The following SPICE1 variants were observed in gnomAD, a reference collection of about 807,000 sequenced individuals.
SPICE1 encodes the protein spindle and centriole associated protein 1.
Under a neutral mutation model 102.7 loss-of-function variants are expected in SPICE1, and 75 were observed. The observed-to-expected ratio is 0.73, with a 90% CI of 0.61 to 0.88. The LOEUF is 0.88. Among genes scored for constraint, SPICE1 ranks in the 40% least tolerant of loss-of-function variants. SPICE1 has a pLI of 0.00. For synonymous variants in SPICE1, 308 were observed against 350.3 expected, an observed-to-expected ratio of 0.88 and a Z score of 1.35; for missense variants, 979 against 1,020.1, an observed-to-expected ratio of 0.96 and a Z score of 0.55.
At chr3:113,463,030 G>A (rs918001978) in intron 11 of SPICE1, among the ~76,000 whole-genome samples, 4 of 151,890 alleles carry the variant, frequency 2.6e-5, no homozygotes, top group African/African-American at 9.7e-5. Flanking sequence ...CACTCCCACC[G>A]CAAGACCTTC....
chr3:113,492,388 A>G (rs900184995), intron 6 of SPICE1, among the ~76,000 whole-genome samples: 3 of 152,164 alleles, frequency 2.0e-5, no homozygotes, highest in African/African-American at 4.8e-5. Flanking sequence ...CTAGTCATGC[A>G]TAAGTTGTCT....
chr3:113,466,595 C>A (rs543383801), intron 10 of SPICE1, among the ~76,000 whole-genome samples: 38 of 144,896 alleles, frequency 2.6e-4, no homozygotes, highest in African/African-American at 9.5e-4. Flanking sequence ...AGCAACAGAG[C>A]GAGACTCTGT....
chr3:113,448,000 A>T (rs115259719), intron 16 of SPICE1, 38 bp downstream of exon 16: 69,833 of 1,313,130 alleles, frequency 0.053, 2,009 homozygotes, highest in East Asian at 0.12. Context: ...ATTCTTTTTG[A>T]TTTTTTTTTT....
intron 7 of SPICE1, among the ~76,000 whole-genome samples, chr3:113,469,990 A>G (rs964925035): frequency 3.3e-5 from 5 of 152,228 alleles, no homozygotes; most frequent in African/African-American, 1.2e-4. Flanking sequence ...GAGGGGCTAG[A>G]TAGAGTGAGA....
chr3:113,478,846 G>T (rs1208534356), intron 7 of SPICE1, among the ~76,000 whole-genome samples: 1 of 151,762 alleles, frequency 6.6e-6, no homozygotes, highest in African/African-American at 2.4e-5. Context: ...TCATATATTA[G>T]GTCACAAAGA....
chr3:113,499,550 ATTC>A lies in SPICE1; in HGVS notation c.177_179del (p.Lys59del), dbSNP rs746499969. 2.0e-5 allele frequency: 32 copies of A among 1,611,828 alleles called. No homozygotes were observed. Among genetic ancestry groups the A allele is most frequent in the Non-Finnish European group, 2.6e-5 (31 of 1,179,350 alleles). On this transcript the variant is annotated inframe_deletion, in exon 4 of 18. Transcript: ENST00000295872. ...GGAGTTCCCAGTGTACTAATGCTCT[ATTC>A]TTCGATTTGTGTATTTCATGACGGC...
chr3:113,475,976 G>C (rs1299638614), intron 7 of SPICE1, among the ~76,000 whole-genome samples: 2 of 152,250 alleles, frequency 1.3e-5, no homozygotes, highest in African/African-American at 4.8e-5. Flanking sequence ...ATTCAATTAG[G>C]AAAAGAGGAA....
In SPICE1 at chr3:113,453,868, T is replaced by C; in HGVS notation, c.1740A>G (p.Glu580=). The C allele has an allele frequency of 1.2e-6, 2 of 1,614,226 alleles. No individual in the cohort carries two copies. Among genetic ancestry groups the C allele is most frequent in the Non-Finnish European group, 1.7e-6 (2 of 1,180,038 alleles). The change falls in exon 14 of 18, where the codon GAA becomes GAG. Residue 580 remains glutamate, a synonymous_variant. Coordinates refer to ENST00000295872, the MANE Select transcript of SPICE1 (RefSeq NM_144718.4). ...VEIIEKEQNW[E]EKTLPIDTDI... ...CTGTATCAATAGGTAAGGTCTTCTC[T>C]TCCCAATTTTGTTCCTTCTCAATTA...
At chr3:113,507,556 C>G (rs1251803417) in intron 1 of SPICE1, among the ~76,000 whole-genome samples, 1 of 151,938 alleles carries the variant, frequency 6.6e-6, no homozygotes, top group East Asian at 1.9e-4. Flanking sequence ...AGAGTTTGCC[C>G]TCAATCTTCC....
chr3:113,458,862 C>T (rs1358699031), intron 12 of SPICE1, among the ~76,000 whole-genome samples: 2 of 150,858 alleles, frequency 1.3e-5, no homozygotes, highest in South Asian at 4.2e-4. Context: ...TGCCCGGCCG[C>T]CCCGTCTGGG....
chr3:113,473,765 C>T lies in SPICE1; in HGVS notation c.612-4527G>A, dbSNP rs866031185. Among the ~76,000 whole-genome samples, 77 of 151,408 alleles carry T rather than the reference C, an allele frequency of 5.1e-4. No homozygotes were observed. The Middle Eastern group carries it at 0.017, about 33-fold the overall frequency. ...AGATTTTGTCACCACCAGGCCTGCC[C>T]TAAAAGAGCTCCTGAAGGAAGCACT... On this transcript the variant is annotated intron_variant, in intron 7 of 17. Transcript: ENST00000295872.
chr3:113,475,763 T>A (rs1471451530), intron 7 of SPICE1, among the ~76,000 whole-genome samples: 1 of 152,128 alleles, frequency 6.6e-6, no homozygotes, highest in African/African-American at 2.4e-5. Flanking sequence ...CTCGATAAAT[T>A]AGGTATCGAT....
intron 1 of SPICE1, among the ~76,000 whole-genome samples, chr3:113,513,914 G>C (rs1327283365): frequency 6.6e-6 from 1 of 152,172 alleles, no homozygotes; most frequent in Non-Finnish European, 1.5e-5. Context: ...GTTTCTAAGA[G>C]GACCGCAATT....
chr3:113,467,022 A>T (rs1382229601), intron 10 of SPICE1, among the ~76,000 whole-genome samples: 1 of 152,114 alleles, frequency 6.6e-6, no homozygotes, highest in African/African-American at 2.4e-5. Context: ...ACTGCACCCT[A>T]GCCTGGGCAA....
Position 113,460,626 on chromosome 3 carries a change from C to A in SPICE1, c.1426G>T (p.Asp476Tyr). The A allele has an allele frequency of 6.2e-7, 1 of 1,611,656 alleles. No homozygotes were observed. The highest frequency in any genetic ancestry group is 8.5e-7 in the Non-Finnish European group (1 of 1,178,670). The part of the protein sequence containing the change: ...ESGATGRRVM[D>Y]SPERPVVNAN... ...GTAAGACCACACTCACCTGGACTGT[C>A]CATAACTCTTCTACCTGTGGCTCCG... is the stretch of plus-strand genomic sequence containing the variant. The change falls in exon 12 of 18, where the codon GAC becomes TAC. Residue 476 changes from aspartate to tyrosine, a missense_variant. Asp to Tyr is a radical substitution (Grantham distance 160). Transcript: ENST00000295872.
In SPICE1 at chr3:113,491,448, G is replaced by A. The variant is rs181541338; in HGVS notation, c.492+1758C>T. On this transcript the variant is annotated intron_variant, in intron 6 of 17. Coordinates refer to ENST00000295872, the MANE Select transcript of SPICE1 (RefSeq NM_144718.4). Reference sequence around the variant, plus strand: ...ATCCTGGATAACATGGTGAAACCCCGTCTCTACTAAAAAATACAAAAAAAA... The same window carrying A: ...ATCCTGGATAACATGGTGAAACCCCATCTCTACTAAAAAATACAAAAAAAA... Among the ~76,000 whole-genome samples the A allele has an allele frequency of 8.5e-3, 1,273 of 150,514 alleles. 20 individuals carry two copies. Among genetic ancestry groups the A allele is most frequent in the African/African-American group, 0.029 (1,197 of 40,912 alleles).
chr3:113,499,417 C>G (rs1241011642), intron 4 of SPICE1, 22 bp downstream of exon 4: 3 of 1,600,480 alleles, frequency 1.9e-6, no homozygotes, highest in Non-Finnish European at 2.6e-6. Flanking sequence ...TTCTTTCTAA[C>G]TCTAATGCAG....
intron 1 of SPICE1, among the ~76,000 whole-genome samples, chr3:113,509,267 ATAGT>A (rs1158299057): frequency 1.3e-5 from 2 of 152,306 alleles, no homozygotes; most frequent in Non-Finnish European, 2.9e-5. Context: ...TAGGAAAACA[ATAGT>A]TATTCAAAGA....
chr3:113,445,781 C>T (rs1434121810), intron 17 of SPICE1, among the ~76,000 whole-genome samples: 3 of 152,118 alleles, frequency 2.0e-5, no homozygotes, highest in Non-Finnish European at 2.9e-5. Context: ...CTGGACAATT[C>T]GGGTATCTAT....
Sources: allele counts gnomAD v4.1 joint callset (sites outside exome capture counted in the v4.1 genomes callset), GRCh38; gene constraint gnomAD v4.1.1; transcripts MANE v1.5; gene names NCBI Gene and HGNC (gene_info 2026-07-23, HGNC 2026-07-21).